The following RALYL variants were observed in gnomAD, a reference collection of about 807,000 sequenced individuals.
RALYL encodes RALY RNA binding protein like, also known as RNA-binding Raly-like protein.
RALYL carries 29 observed loss-of-function variants against 35.1 expected under a neutral mutation model. The ratio of observed to expected loss-of-function variants is 0.83; its 90% CI spans 0.61 to 1.13. RALYL has a LOEUF of 1.13. Ranked by LOEUF, RALYL falls within the 50% of genes most tolerant of loss-of-function variation. The pLI, the probability that RALYL is intolerant of heterozygous loss-of-function variation, is 0.00. For synonymous variants in RALYL, 120 were observed against 127.6 expected (o/e 0.94, Z 0.40); for missense variants, 359 against 360.4 (o/e 1.00, Z 0.03).
intron 2 of RALYL, among the ~76,000 whole-genome samples, chr8:84,623,235 T>C (rs901153877): frequency 6.6e-6 from 1 of 152,194 alleles, no homozygotes; most frequent in Non-Finnish European, 1.5e-5. Context: ...CACAAGTTTT[T>C]CATAGGTAAA....
chr8:84,907,310 T>TCACACACA (rs71273918), intron 8 of RALYL, among the ~76,000 whole-genome samples: 12 of 148,150 alleles, frequency 8.1e-5, no homozygotes, highest in African/African-American at 2.2e-4. Flanking sequence ...AGATATAGCG[T>TCACACACA]CACACACACA....
At chr8:84,543,710 A>T (rs1037033742) in intron 2 of RALYL, among the ~76,000 whole-genome samples, 1 of 152,010 alleles carries the variant, frequency 6.6e-6, no homozygotes, top group Non-Finnish European at 1.5e-5. Context: ...TCGTTTTGAC[A>T]TAACTCTAAG....
chr8:84,735,809 CGCGAGAGAGAG>C (rs1847168733), intron 2 of RALYL, among the ~76,000 whole-genome samples: 1 of 119,046 alleles, frequency 8.4e-6, no homozygotes, highest in African/African-American at 3.2e-5. Flanking sequence ...TCATCCAAAC[CGCGAGAGAGAG>C]AGAGAGAGAG....
intron 1 of RALYL, among the ~76,000 whole-genome samples, chr8:84,279,616 T>C (rs1443223983): frequency 1.3e-5 from 2 of 152,202 alleles, no homozygotes; most frequent in African/African-American, 4.8e-5. Flanking sequence ...AGTCAAGGTG[T>C]TAGTAGAGCT....
chr8:84,586,664 G>A (rs1812083954), intron 2 of RALYL, among the ~76,000 whole-genome samples: 1 of 152,136 alleles, frequency 6.6e-6, no homozygotes, highest in Non-Finnish European at 1.5e-5. Flanking sequence ...GTACAGTTGA[G>A]TTTGAAAATC....
chr8:84,372,849 A>C (rs1485807590), intron 1 of RALYL, among the ~76,000 whole-genome samples: 1 of 134,718 alleles, frequency 7.4e-6, no homozygotes, highest in Non-Finnish European at 1.5e-5. Context: ...AACAGTGTGT[A>C]AGTGTTCCCT....
intron 4 of RALYL, among the ~76,000 whole-genome samples, chr8:84,830,811 T>TA (rs1202050004): frequency 6.6e-6 from 1 of 152,122 alleles, no homozygotes. Flanking sequence ...GAATATTAGA[T>TA]AAAATGTTTT....
chr8:84,418,057 C>T (rs1379791647), intron 1 of RALYL, among the ~76,000 whole-genome samples: 2 of 152,064 alleles, frequency 1.3e-5, no homozygotes, highest in African/African-American at 4.8e-5. Context: ...AATGCATCAC[C>T]TGGTTTTTTC....
chr8:84,566,400 T>C (rs1008422567), intron 2 of RALYL, among the ~76,000 whole-genome samples: 1 of 151,510 alleles, frequency 6.6e-6, no homozygotes, highest in African/African-American at 2.4e-5. Flanking sequence ...AATTAAATAT[T>C]AGAATGACTA....
chr8:84,900,994 C>T (rs532353028), intron 8 of RALYL, among the ~76,000 whole-genome samples: 1 of 152,120 alleles, frequency 6.6e-6, no homozygotes, highest in South Asian at 2.1e-4. Context: ...TGTAATTAGG[C>T]CATCTGTGTT....
rs112060836 is a variant in RALYL at position 84,645,501 on chromosome 8, TCTA to T, written c.256+115927_256+115929del. Among the ~76,000 whole-genome samples, 1,256 of 152,162 alleles carry T rather than the reference TCTA, an allele frequency of 8.3e-3. 15 individuals are homozygous for T. Among genetic ancestry groups the T allele is most frequent in the African/African-American group, 0.028 (1,165 of 41,550 alleles). On this transcript the variant is annotated intron_variant, in intron 2 of 8. Transcript: ENST00000521268. ...CATGGACAATAGTTAATGAAATGAT[TCTA>T]CTTTCCTTTCTCCTTTTCCATGTTT...
intron 4 of RALYL, among the ~76,000 whole-genome samples, chr8:84,838,606 G>C (rs980874742): frequency 6.6e-6 from 1 of 152,176 alleles, no homozygotes; most frequent in African/African-American, 2.4e-5. Flanking sequence ...TTGAGTTTAT[G>C]ATGGCAGGCA....
intron 1 of RALYL, among the ~76,000 whole-genome samples, chr8:84,468,683 G>C (rs897167883): frequency 2.9e-4 from 43 of 149,538 alleles, no homozygotes; most frequent in Non-Finnish European, 4.6e-4. Flanking sequence ...GAATCTGAAC[G>C]TTGGCCTGCC....
intron 1 of RALYL, among the ~76,000 whole-genome samples, chr8:84,350,155 T>C (rs1197260708): frequency 4.0e-5 from 6 of 150,478 alleles, no homozygotes. Flanking sequence ...AAATGGCTTT[T>C]CGTAAGACAC....
At chr8:84,488,947 A>AAAC (rs1454801123) in intron 1 of RALYL, among the ~76,000 whole-genome samples, 1 of 152,100 alleles carries the variant, frequency 6.6e-6, no homozygotes, top group African/African-American at 2.4e-5. Flanking sequence ...AATTGAGAGG[A>AAAC]AACAGTGAAA....
chr8:84,420,723 A>G (rs1249930680), intron 1 of RALYL, among the ~76,000 whole-genome samples: 2 of 114,488 alleles, frequency 1.7e-5, no homozygotes, highest in Non-Finnish European at 3.6e-5. Flanking sequence ...TGATTTTTGT[A>G]TAAGGTGTAA....
intron 1 of RALYL, among the ~76,000 whole-genome samples, chr8:84,230,837 A>G (rs1305064970): frequency 6.6e-6 from 1 of 152,240 alleles, no homozygotes; most frequent in Non-Finnish European, 1.5e-5. Context: ...ATGGGGAATA[A>G]GGAAATGATT....
At chr8:84,647,412 G>T (rs1488295197) in intron 2 of RALYL, among the ~76,000 whole-genome samples, 3 of 152,040 alleles carry the variant, frequency 2.0e-5, no homozygotes, top group African/African-American at 7.2e-5. Context: ...ATGTGTATTT[G>T]TAAGGACTGA....
chr8:84,593,779 C>T (rs1167884883), intron 2 of RALYL, among the ~76,000 whole-genome samples: 1 of 151,996 alleles, frequency 6.6e-6, no homozygotes, highest in African/African-American at 2.4e-5. Context: ...TGCATATATT[C>T]CTTTGGTACG....
Sources: allele counts gnomAD v4.1 joint callset (sites outside exome capture counted in the v4.1 genomes callset), GRCh38; gene constraint gnomAD v4.1.1; transcripts MANE v1.5; gene names NCBI Gene and HGNC (gene_info 2026-07-23, HGNC 2026-07-21).